The following THSD7B variants were observed in gnomAD, a reference collection of about 807,000 sequenced individuals.
THSD7B encodes thrombospondin type 1 domain containing 7B, also known as thrombospondin type-1 domain-containing protein 7B.
THSD7B carries 138 observed loss-of-function variants against 213.6 expected under a neutral mutation model. The observed-to-expected ratio is 0.65, with a 90% CI of 0.56 to 0.74. THSD7B has a LOEUF of 0.74. Ranked by LOEUF, THSD7B falls within the 30% of genes least tolerant of loss-of-function variation. The pLI is 0.00. For synonymous variants in THSD7B, 742 were observed against 687.0 expected (o/e 1.08, Z -1.25); for missense variants, 1,931 against 1,991.5 (o/e 0.97, Z 0.58).
At chr2:137,030,166 A>G (rs1485056777) in intron 2 of THSD7B, among the ~76,000 whole-genome samples, 2 of 152,146 alleles carry the variant, frequency 1.3e-5, no homozygotes, top group Non-Finnish European at 2.9e-5. Context: ...AAATACAAAC[A>G]TTGTTTACAT....
intron 7 of THSD7B, among the ~76,000 whole-genome samples, chr2:137,176,968 A>G (rs1680369580): frequency 6.6e-6 from 1 of 152,192 alleles, no homozygotes; most frequent in Non-Finnish European, 1.5e-5. Flanking sequence ...AGCTCAAACT[A>G]AGACAAAGAT....
intron 2 of THSD7B, among the ~76,000 whole-genome samples, chr2:136,920,372 A>G (rs1278051200): frequency 6.6e-6 from 1 of 152,202 alleles, no homozygotes; most frequent in Non-Finnish European, 1.5e-5. Context: ...AAGTCGTCCC[A>G]GTGAGTGTCC....
At chr2:137,075,139 C>T (rs1687591685) in intron 3 of THSD7B, among the ~76,000 whole-genome samples, 2 of 152,146 alleles carry the variant, frequency 1.3e-5, no homozygotes, top group Admixed American at 1.3e-4. Context: ...GCCTGCTGTG[C>T]CAGATTGGGG....
intron 1 of THSD7B, among the ~76,000 whole-genome samples, chr2:136,869,173 GGTGGA>G (rs1683390689): frequency 6.6e-6 from 1 of 152,088 alleles, no homozygotes; most frequent in African/African-American, 2.4e-5. Flanking sequence ...CTTTAGGGGT[GGTGGA>G]GTGGGATATT....
At chr2:137,124,776 G>C (rs1688604175) in intron 5 of THSD7B, among the ~76,000 whole-genome samples, 1 of 152,118 alleles carries the variant, frequency 6.6e-6, no homozygotes, top group Admixed American at 6.5e-5. Context: ...GCAACATGAT[G>C]TTTTGATGTA....
chr2:137,384,061 G>C (rs532128132), intron 12 of THSD7B, among the ~76,000 whole-genome samples: 1 of 152,180 alleles, frequency 6.6e-6, no homozygotes, highest in Non-Finnish European at 1.5e-5. Context: ...ATTTCCAGCA[G>C]AGCATCCAAG....
chr2:137,662,237 TTTTTC>T (rs1414335541), intron 25 of THSD7B, among the ~76,000 whole-genome samples: 3,590 of 122,802 alleles, frequency 0.029, 70 homozygotes, highest in South Asian at 0.078. Context: ...TAATTTTTTT[TTTTTC>T]TTTTTTTTTT....
intron 15 of THSD7B, among the ~76,000 whole-genome samples, chr2:137,480,558 T>C (rs533678553): frequency 6.6e-6 from 1 of 152,354 alleles, no homozygotes. Context: ...AATTTGCATG[T>C]AGAATGTTCC....
At chr2:136,905,309 G>A (rs1684140806) in intron 2 of THSD7B, among the ~76,000 whole-genome samples, 1 of 152,154 alleles carries the variant, frequency 6.6e-6, no homozygotes, top group Non-Finnish European at 1.5e-5. Flanking sequence ...TGAGGATACA[G>A]TGATGATTCC....
intron 4 of THSD7B, among the ~76,000 whole-genome samples, chr2:137,111,419 G>A (rs1254471349): frequency 3.3e-5 from 5 of 152,086 alleles, no homozygotes; most frequent in Admixed American, 2.0e-4. Context: ...GTTTTAATCT[G>A]CCATAGTGTC....
chr2:137,109,378 C>T (rs1688307639), intron 4 of THSD7B, among the ~76,000 whole-genome samples: 1 of 152,158 alleles, frequency 6.6e-6, no homozygotes, highest in South Asian at 2.1e-4. Context: ...GATAATTTTT[C>T]CATGAACTTG....
At chr2:137,490,787 A>G (rs371281785) in intron 15 of THSD7B, among the ~76,000 whole-genome samples, 3 of 152,232 alleles carry the variant, frequency 2.0e-5, no homozygotes, top group African/African-American at 4.8e-5. Flanking sequence ...GGGATAATGG[A>G]CATAGTCTAG....
chr2:137,267,622 T>C (rs1682624990), intron 10 of THSD7B, among the ~76,000 whole-genome samples: 1 of 151,916 alleles, frequency 6.6e-6, no homozygotes, highest in African/African-American at 2.4e-5. Context: ...TATCTAGTGA[T>C]TTTTGGGAAA....
intron 20 of THSD7B, among the ~76,000 whole-genome samples, chr2:137,639,339 T>C (rs1682894457): frequency 6.6e-6 from 1 of 152,190 alleles, no homozygotes; most frequent in Non-Finnish European, 1.5e-5. Flanking sequence ...AAGTCAAGAA[T>C]TGAGGTTTGG....
chr2:137,372,120 G>A (rs1685545754), intron 12 of THSD7B, among the ~76,000 whole-genome samples: 1 of 152,176 alleles, frequency 6.6e-6, no homozygotes, highest in South Asian at 2.1e-4. Flanking sequence ...GTCAACATAG[G>A]TGACCCTTTC....
chr2:136,954,286 C>T (rs1049135900), intron 2 of THSD7B, among the ~76,000 whole-genome samples: 5 of 152,072 alleles, frequency 3.3e-5, no homozygotes, highest in Admixed American at 2.0e-4. Context: ...ATTTAAGCTG[C>T]GAGTTGAAGA....
chr2:136,924,185 G>A (rs192808107), intron 2 of THSD7B, among the ~76,000 whole-genome samples: 5 of 152,114 alleles, frequency 3.3e-5, no homozygotes, highest in South Asian at 2.1e-4. Context: ...GGGTTCAAGC[G>A]ATTTTCCTGC....
intron 15 of THSD7B, among the ~76,000 whole-genome samples, chr2:137,508,192 C>T (rs1343624881): frequency 3.3e-5 from 5 of 151,932 alleles, no homozygotes; most frequent in African/African-American, 1.2e-4. Context: ...AATCCCTGTC[C>T]ACTTGTATTT....
At position 137,412,597 on chromosome 2, in the gene THSD7B, C is replaced by CAAAAAAAAAAAA. The variant is rs748551585; in HGVS notation, c.2959+727_2959+738dup. ...GGGCAACGAGAGCAAAACTCTGTCT[C>CAAAAAAAAAAAA]AAAAAAAAAAAAACAAAAAAAAACA... On this transcript the variant is annotated intron_variant, in intron 14 of 27. Coordinates refer to ENST00000409968, the MANE Select transcript of THSD7B (RefSeq NM_001316349.2). Among the ~76,000 whole-genome samples the CAAAAAAAAAAAA allele has an allele frequency of 1.7e-4, 4 of 24,100 alleles. 1 individual carries two copies. Among genetic ancestry groups the CAAAAAAAAAAAA allele is most frequent in the Non-Finnish European group, 2.7e-4 (3 of 11,264 alleles). 15.8% of individuals were successfully genotyped at this position (24,100 alleles called of 152,430 possible).
Sources: allele counts gnomAD v4.1 joint callset (sites outside exome capture counted in the v4.1 genomes callset), GRCh38; gene constraint gnomAD v4.1.1; transcripts MANE v1.5; gene names NCBI Gene and HGNC (gene_info 2026-07-23, HGNC 2026-07-21).